CCDC73: variants seen among roughly 807,000 people sequenced by gnomAD.
CCDC73 encodes the protein coiled-coil domain containing 73, also known as coiled-coil domain-containing protein 73.
Under a neutral mutation model 116.5 loss-of-function variants are expected in CCDC73, and 95 were observed. That is an observed-to-expected ratio of 0.82 (90% CI 0.69 to 0.97). The LOEUF (loss-of-function observed/expected upper bound fraction) is 0.97. CCDC73 is among the 50% of genes least tolerant of loss of function. The probability of loss-of-function intolerance (pLI) is 0.00; values close to 1 mark genes in which losing one functional copy is unlikely to be tolerated. For synonymous variants in CCDC73, 398 were observed against 401.3 expected, an observed-to-expected ratio of 0.99 and a Z score of 0.10; for missense variants, 1,066 against 1,206.8, an observed-to-expected ratio of 0.88 and a Z score of 1.73.
chr11:32,646,796 A>G (rs114993050), intron 12 of CCDC73, among the ~76,000 whole-genome samples: 40 of 152,040 alleles, frequency 2.6e-4, no homozygotes, highest in African/African-American at 9.6e-4. Flanking sequence ...TCTCTCTGAC[A>G]CTCACCAGAC....
chr11:32,603,154 T>C lies in CCDC73; in HGVS notation c.3031-134A>G. 7.6e-6 allele frequency: 5 copies of C among 654,858 alleles called. No individual in the cohort carries two copies. The Admixed American group carries it at 9.7e-5, about 13-fold the overall frequency. The allele number at this position is 654,858 out of a possible 1,614,324, so 40.6% of individuals were successfully genotyped here. On this transcript the variant is annotated intron_variant, in intron 17 of 17. Transcript: ENST00000335185. ...CTGATTTCCACTACCTTAGTAGTTCTGGCACCAGAAAAGTATACAATGTGA... is the reference window on the plus strand; with the variant it reads ...CTGATTTCCACTACCTTAGTAGTTCCGGCACCAGAAAAGTATACAATGTGA...
chr11:32,815,249 G>A, the CCDC73 span, among the ~76,000 whole-genome samples: 7 of 152,094 alleles, frequency 4.6e-5, no homozygotes, highest in African/African-American at 1.7e-4. Flanking sequence ...GTACGTGCTG[G>A]GTGTTCCTCC....
chr11:32,669,887 C>T (rs538284825), intron 9 of CCDC73, among the ~76,000 whole-genome samples: 8 of 152,252 alleles, frequency 5.3e-5, no homozygotes, highest in African/African-American at 1.2e-4. Flanking sequence ...GGGTTGCTTT[C>T]GAATCTTGGC....
Position 32,713,426 on chromosome 11 carries a change from C to G in CCDC73, c.207+4650G>C, listed in dbSNP as rs114887536. Among the ~76,000 whole-genome samples, 1,093 of 152,050 alleles carry G rather than the reference C, an allele frequency of 7.2e-3. 17 individuals carry two copies. Among genetic ancestry groups the G allele is most frequent in the African/African-American group, 0.025 (1,051 of 41,524 alleles). The stretch of plus-strand genomic sequence containing the variant: ...GGAATCCCAATTTCAAGTAGTCAAC[C>G]ATTTTAAGTGTTCTAATGCTTCCTT... On this transcript the variant is annotated intron_variant, in intron 3 of 17. Coordinates refer to ENST00000335185, the MANE Select transcript of CCDC73 (RefSeq NM_001008391.4).
upstream of CCDC73, among the ~76,000 whole-genome samples, chr11:32,794,870 T>TG (rs962070874): frequency 1.8e-5 from 2 of 109,592 alleles, no homozygotes; most frequent in Non-Finnish European, 1.9e-5. Context: ...GGTTTGTTTT[T>TG]GGTTTTTTTT....
In CCDC73 at chr11:32,777,763, A is replaced by C. The variant is rs140458162; in HGVS notation, c.-16+16850T>G. Reference sequence around the variant, plus strand: ...TATTACTCATATTCCAACATATTACAAAAGAGATTTAAGGTGGTGATTTAA... The same window carrying C: ...TATTACTCATATTCCAACATATTACCAAAGAGATTTAAGGTGGTGATTTAA... On this transcript the variant is annotated intron_variant, in intron 1 of 17. Coordinates refer to ENST00000335185, the MANE Select transcript of CCDC73 (RefSeq NM_001008391.4). Among the ~76,000 whole-genome samples, 41 of 152,248 alleles carry C rather than the reference A, an allele frequency of 2.7e-4. No individual in the cohort carries two copies. The East Asian group carries it at 5.8e-3, about 22-fold the overall frequency.
chr11:32,793,188 G>T (rs1252449636), intron 1 of CCDC73, among the ~76,000 whole-genome samples: 1 of 152,136 alleles, frequency 6.6e-6, no homozygotes, highest in East Asian at 1.9e-4. Flanking sequence ...CATCAAAGTG[G>T]GGAATCTAAT....
intron 3 of CCDC73, among the ~76,000 whole-genome samples, chr11:32,706,001 C>T (rs1424456000): frequency 8.3e-6 from 1 of 121,102 alleles, no homozygotes; most frequent in African/African-American, 3.2e-5. Context: ...GTACCCAGAT[C>T]TATATCAGCT....
At chr11:32,742,248 T>C (rs1045710225) in intron 2 of CCDC73, among the ~76,000 whole-genome samples, 1 of 152,210 alleles carries the variant, frequency 6.6e-6, no homozygotes, top group African/African-American at 2.4e-5. Context: ...TCTTCCACAA[T>C]GGTTGAACTA....
intron 9 of CCDC73, among the ~76,000 whole-genome samples, chr11:32,660,251 A>AG: frequency 6.6e-6 from 1 of 150,578 alleles, no homozygotes; most frequent in East Asian, 1.9e-4. Context: ...AAAAAAAAAA[A>AG]AAAACAGGTT....
chr11:32,651,279 C>A (rs894043425), intron 12 of CCDC73, among the ~76,000 whole-genome samples: 1 of 152,194 alleles, frequency 6.6e-6, no homozygotes, highest in Admixed American at 6.5e-5. Flanking sequence ...TCCCTGCAGA[C>A]CCCCACCAAG....
chr11:32,716,868 A>G (rs538457290), intron 3 of CCDC73, among the ~76,000 whole-genome samples: 2 of 152,338 alleles, frequency 1.3e-5, no homozygotes, highest in South Asian at 2.1e-4. Flanking sequence ...TGGTCATTAA[A>G]TTGGGTTCAT....
chr11:32,822,902 A>G, the CCDC73 span, among the ~76,000 whole-genome samples: 1 of 152,196 alleles, frequency 6.6e-6, no homozygotes, highest in East Asian at 1.9e-4. Flanking sequence ...TATTTATTGT[A>G]TCTATCTAAA....
intron 2 of CCDC73, among the ~76,000 whole-genome samples, chr11:32,734,443 T>A (rs886164211): frequency 1.4e-4 from 18 of 125,662 alleles, no homozygotes; most frequent in Admixed American, 3.4e-4. Context: ...TTTTTTTTTT[T>A]ATTGATCATT....
intron 17 of CCDC73, among the ~76,000 whole-genome samples, chr11:32,610,687 A>G (rs1855412586): frequency 6.6e-6 from 1 of 152,206 alleles, no homozygotes; most frequent in African/African-American, 2.4e-5. Context: ...TGGATACTTG[A>G]TCCTTTCACA....
intron 16 of CCDC73, among the ~76,000 whole-genome samples, chr11:32,612,548 C>T (rs1043757468): frequency 1.3e-5 from 2 of 151,598 alleles, no homozygotes; most frequent in Admixed American, 6.6e-5. Context: ...ACACCAGCCT[C>T]GGCAACAAAG....
chr11:32,822,105 C>T, the CCDC73 span, among the ~76,000 whole-genome samples: 9 of 152,236 alleles, frequency 5.9e-5, no homozygotes, highest in East Asian at 1.9e-4. Flanking sequence ...ATAACACATA[C>T]GTCATTTTAC....
intron 1 of CCDC73, among the ~76,000 whole-genome samples, chr11:32,792,192 C>T (rs1224314212): frequency 6.6e-6 from 1 of 151,940 alleles, no homozygotes; most frequent in African/African-American, 2.4e-5. Flanking sequence ...ACCCCACGGT[C>T]TAGTGCAGTA....
intron 2 of CCDC73, among the ~76,000 whole-genome samples, chr11:32,740,624 A>G (rs1850174970): frequency 6.6e-6 from 1 of 151,630 alleles, no homozygotes; most frequent in Non-Finnish European, 1.5e-5. Context: ...TTATTTTTTC[A>G]AAAAAAGAAC....
Sources: allele counts gnomAD v4.1 joint callset (sites outside exome capture counted in the v4.1 genomes callset), GRCh38; gene constraint gnomAD v4.1.1; transcripts MANE v1.5; gene names NCBI Gene and HGNC (gene_info 2026-07-23, HGNC 2026-07-21).